The following TNKS variants were observed in gnomAD, a reference collection of about 807,000 sequenced individuals.
TNKS encodes the protein tankyrase, also known as poly [ADP-ribose] polymerase tankyrase-1.
TNKS carries 72 observed loss-of-function variants against 135.8 expected under a neutral mutation model. The observed-to-expected ratio is 0.53, with a 90% CI of 0.44 to 0.64. The LOEUF (loss-of-function observed/expected upper bound fraction) is 0.64, where lower values mean the gene tolerates loss of function less well. TNKS is among the 30% of genes least tolerant of loss of function. TNKS has a pLI of 0.00. For synonymous variants in TNKS, 849 were observed against 649.3 expected (o/e 1.31, Z -4.68); for missense variants, 1,769 against 1,674.0 (o/e 1.06, Z -0.99).
intron 3 of TNKS, among the ~76,000 whole-genome samples, chr8:9,670,352 A>G (rs1000568560): frequency 2.4e-4 from 36 of 152,310 alleles, no homozygotes; most frequent in African/African-American, 8.2e-4. Context: ...GAGATGTTCA[A>G]ATTTAGGTCA....
At chr8:9,772,468 G>A (rs942605594) in intron 26 of TNKS, 2 of 452,612 alleles carry the variant, frequency 4.4e-6, no homozygotes, top group Admixed American at 4.8e-5. Context: ...TTTTAATGTT[G>A]AAAGATTGTA....
intron 1 of TNKS, among the ~76,000 whole-genome samples, chr8:9,571,429 A>T (rs574506024): frequency 5.9e-5 from 9 of 152,188 alleles, no homozygotes; most frequent in African/African-American, 1.7e-4. Flanking sequence ...TATCTTCATG[A>T]TTTCTGGGGC....
intron 3 of TNKS, among the ~76,000 whole-genome samples, chr8:9,621,741 G>C (rs891587902): frequency 6.6e-6 from 1 of 152,072 alleles, no homozygotes; most frequent in African/African-American, 2.4e-5. Flanking sequence ...TGAACTTAAA[G>C]AATTACTTAT....
chr8:9,596,442 A>G lies in TNKS; in HGVS notation c.898+16059A>G, dbSNP rs989474314. ...TAATAATTGTATTTATAGGCTTTAC[A>G]TTTGTACTTTACTTTTAAAAAACGT... On this transcript the variant is annotated intron_variant, in intron 2 of 26. Coordinates refer to ENST00000310430, the MANE Select transcript of TNKS (RefSeq NM_003747.3). 6.6e-5 allele frequency among the ~76,000 whole-genome samples: 10 copies of G among 152,304 alleles called. 1 individual carries two copies. Among genetic ancestry groups the G allele is most frequent in the African/African-American group, 2.4e-4 (10 of 41,570 alleles).
chr8:9,726,674 A>C lies in TNKS; in HGVS notation c.1955A>C (p.Tyr652Ser). The C allele has an allele frequency of 5.0e-6, 8 of 1,613,552 alleles. No individual in the cohort carries two copies. Among genetic ancestry groups the C allele is most frequent in the Non-Finnish European group, 6.8e-6 (8 of 1,179,826 alleles). ...CCTATACGTACTTCTGATGTTGATT[A>C]TCGACTCTTAGAGGCATCTAAAGCT... ...STPIRTSDVD[Y>S]RLLEASKAGD... The change falls in exon 13 of 27, where the codon TAT becomes TCT. Residue 652 changes from tyrosine to serine, a missense_variant. Tyr to Ser is a moderately radical substitution (Grantham distance 144, BLOSUM62 -2). This residue lies in a region of TNKS where 523 missense variants were observed against 541.0 expected (regional missense o/e 0.97). Coordinates refer to ENST00000310430, the MANE Select transcript of TNKS (RefSeq NM_003747.3).
At chr8:9,578,049 C>T (rs1798023190) in intron 1 of TNKS, among the ~76,000 whole-genome samples, 1 of 152,196 alleles carries the variant, frequency 6.6e-6, no homozygotes, top group African/African-American at 2.4e-5. Flanking sequence ...AATAATCTCC[C>T]TTGACTCCAC....
At chr8:9,629,247 A>C (rs1289329271) in intron 3 of TNKS, among the ~76,000 whole-genome samples, 1 of 152,194 alleles carries the variant, frequency 6.6e-6, no homozygotes, top group South Asian at 2.1e-4. Context: ...TTCCTTGTTG[A>C]AAAAGCAGTA....
At chr8:9,691,391 A>G (rs1318053449) in intron 5 of TNKS, among the ~76,000 whole-genome samples, 5 of 152,214 alleles carry the variant, frequency 3.3e-5, no homozygotes, top group African/African-American at 1.2e-4. Flanking sequence ...TTTAATGTCT[A>G]CTGACCTATG....
chr8:9,720,441 C>T lies in TNKS; in HGVS notation c.1817C>T (p.Thr606Ile), dbSNP rs1325546478. 2 of 1,614,030 alleles carry T rather than the reference C, an allele frequency of 1.2e-6. No individual in the cohort carries two copies. The highest frequency in any genetic ancestry group is 4.5e-5 in the East Asian group (2 of 44,872). Reference protein sequence around the residue: ...HRAALAGHLQTCRLLLSYGSD... With the variant: ...HRAALAGHLQICRLLLSYGSD... Reference sequence around the variant, plus strand: ...GCCGCCCTAGCAGGTCACCTGCAGACCTGCCGCCTCCTGCTGAGTTACGGC... The same window carrying T: ...GCCGCCCTAGCAGGTCACCTGCAGATCTGCCGCCTCCTGCTGAGTTACGGC... Residue 606 changes from threonine (T) to isoleucine (I), a missense_variant, in exon 12 of 27, where the codon ACC becomes ATC. Physicochemically the swap from Thr to Ile is moderately conservative, Grantham distance 89. Around this residue, in one of 5 missense-constraint regions of TNKS, gnomAD observed 523 missense variants for 541.0 expected, o/e 0.97. Coordinates refer to ENST00000310430, the MANE Select transcript of TNKS (RefSeq NM_003747.3).
At chr8:9,569,870 T>A (rs1390080286) in intron 1 of TNKS, among the ~76,000 whole-genome samples, 2 of 151,934 alleles carry the variant, frequency 1.3e-5, no homozygotes, top group Non-Finnish European at 2.9e-5. Context: ...GTTTTAAAAT[T>A]TTATCTGTAA....
In TNKS at chr8:9,779,272, C is replaced by A. The variant is rs1214555509; in HGVS notation, c.*2536C>A. On this transcript the variant is annotated 3_prime_UTR_variant, in exon 27 of 27. Coordinates refer to ENST00000310430, the MANE Select transcript of TNKS (RefSeq NM_003747.3). ...TACATTTGGGATTTTCATCTGTAGC[C>A]GTATGAAGAACCCTTTCCAATATAA... 6.6e-6 allele frequency: 1 copy of A among 152,520 alleles called. No homozygotes were observed. Among genetic ancestry groups the A allele is most frequent in the Non-Finnish European group, 1.5e-5 (1 of 68,020 alleles). The allele number at this position is 152,520 out of a possible 1,614,324, so 9.4% of individuals were successfully genotyped here.
chr8:9,586,865 G>A lies in TNKS; in HGVS notation c.898+6482G>A, dbSNP rs557227323. On this transcript the variant is annotated intron_variant, in intron 2 of 26. Transcript: ENST00000310430. ...AAGACTGAAGACTTTGCTCCTCTTAGAGTAATTGAGGGTCACCGTGGTCTG... is the reference window on the plus strand; with the variant it reads ...AAGACTGAAGACTTTGCTCCTCTTAAAGTAATTGAGGGTCACCGTGGTCTG... Among the ~76,000 whole-genome samples the A allele has an allele frequency of 4.3e-3, 646 of 151,966 alleles. 20 individuals are homozygous for A. The highest frequency in any genetic ancestry group is 5.4e-3 in the Non-Finnish European group (367 of 67,950).
chr8:9,565,698 ACAC>A (rs1797500275), intron 1 of TNKS, among the ~76,000 whole-genome samples: 1 of 151,892 alleles, frequency 6.6e-6, no homozygotes, highest in Non-Finnish European at 1.5e-5. Flanking sequence ...AAAAATACAC[ACAC>A]ACAAAATTAG....
At chr8:9,720,713 G>A (rs531908921) in intron 12 of TNKS, among the ~76,000 whole-genome samples, 168 bp downstream of exon 12, 1 of 152,184 alleles carries the variant, frequency 6.6e-6, no homozygotes, top group South Asian at 2.1e-4. Context: ...GGTAAGGTAG[G>A]TGTCATGGGA....
intron 11 of TNKS, among the ~76,000 whole-genome samples, chr8:9,718,143 T>C (rs141204602): frequency 1.3e-5 from 2 of 152,330 alleles, no homozygotes; most frequent in East Asian, 3.9e-4. Context: ...TTTGTTCTTC[T>C]ATCATAGATA....
At chr8:9,732,670 G>T (rs1465304424) in intron 14 of TNKS, among the ~76,000 whole-genome samples, 1 of 151,840 alleles carries the variant, frequency 6.6e-6, no homozygotes, top group Non-Finnish European at 1.5e-5. Flanking sequence ...TTTTGTGGGA[G>T]CATCTTTTTG....
chr8:9,779,385 G>C lies in TNKS; in HGVS notation c.*2649G>C, dbSNP rs1808369144. ...TAGCAAGTTAGGATCATCCAATATG[G>C]CCTACCCCGAAATGGCCCCTCTGTT... On this transcript the variant is annotated 3_prime_UTR_variant, in exon 27 of 27. Coordinates refer to ENST00000310430, the MANE Select transcript of TNKS (RefSeq NM_003747.3). 6.6e-6 allele frequency: 1 copy of C among 152,156 alleles called. No homozygotes were observed. Among genetic ancestry groups the C allele is most frequent in the African/African-American group, 2.4e-5 (1 of 41,370 alleles). The allele number at this position is 152,156 out of a possible 1,614,324, so 9.4% of individuals were successfully genotyped here.
At chr8:9,695,228 C>T (rs770620593) in intron 5 of TNKS, among the ~76,000 whole-genome samples, 1 of 152,172 alleles carries the variant, frequency 6.6e-6, no homozygotes, top group Non-Finnish European at 1.5e-5. Context: ...CAGATAGCTA[C>T]ATTATGAATC....
In TNKS at chr8:9,706,832, A is replaced by G. The variant is rs1804071035; in HGVS notation, c.1291A>G (p.Met431Val). 1 of 1,612,134 alleles carries G rather than the reference A, an allele frequency of 6.2e-7. No individual in the cohort carries two copies. The highest frequency in any genetic ancestry group is 8.5e-7 in the Non-Finnish European group (1 of 1,179,500). Residue 431 changes from methionine to valine, a missense_variant, in exon 8 of 27, where the codon ATG becomes GTG. By Grantham distance (21) the Met-to-Val change is conservative. Coordinates refer to ENST00000310430, the MANE Select transcript of TNKS (RefSeq NM_003747.3). ...TCAGCATGGAGCTTGTGTTAATGCC[A>G]TGGATCTCTGGCAGTTTACTCCACT... ...LLKHGACVNA[M>V]DLWQFTPLHE... is the part of the protein sequence containing the mutation.
Sources: allele counts gnomAD v4.1 joint callset (sites outside exome capture counted in the v4.1 genomes callset), GRCh38; gene constraint gnomAD v4.1.1; regional missense constraint gnomAD v4.1.1; transcripts MANE v1.5; gene names NCBI Gene and HGNC (gene_info 2026-07-23, HGNC 2026-07-21).